Variants in CENPP observed in about 807,000 individuals in gnomAD.
The protein encoded by CENPP is centromere protein P.
A neutral mutation model predicts 35.6 loss-of-function variants in CENPP; 24 were observed. The ratio of observed to expected loss-of-function variants is 0.67; its 90% CI spans 0.49 to 0.95. The LOEUF is 0.95. CENPP is among the 40% of genes least tolerant of loss of function. The pLI is 0.00. For synonymous variants in CENPP, 120 were observed against 125.5 expected, an observed-to-expected ratio of 0.96 and a Z score of 0.29; for missense variants, 332 against 345.3, an observed-to-expected ratio of 0.96 and a Z score of 0.31.
At chr9:92,463,251 C>G (rs959899956) in intron 5 of CENPP, among the ~76,000 whole-genome samples, 24 of 152,120 alleles carry the variant, frequency 1.6e-4, no homozygotes, top group African/African-American at 5.6e-4. Flanking sequence ...TGGTAAGGAC[C>G]CTCAGGATAC....
At chr9:92,349,410 T>A (rs914709761) in intron 4 of CENPP, among the ~76,000 whole-genome samples, 1 of 146,506 alleles carries the variant, frequency 6.8e-6, no homozygotes, top group South Asian at 2.1e-4. Flanking sequence ...TTTTTTTTTA[T>A]TTTTTTTTTT....
intron 1 of CENPP, among the ~76,000 whole-genome samples, chr9:92,328,470 C>T (rs1474039780): frequency 6.6e-6 from 1 of 152,144 alleles, no homozygotes; most frequent in African/African-American, 2.4e-5. Context: ...TGAGCTCCCC[C>T]TTTCTGTGCT....
chr9:92,473,963 A>G (rs1311398915), intron 5 of CENPP, among the ~76,000 whole-genome samples: 1 of 152,240 alleles, frequency 6.6e-6, no homozygotes, highest in Admixed American at 6.5e-5. Flanking sequence ...CAGTGGGGCC[A>G]GTCTCAGCTG....
chr9:92,502,772 C>A, intron 5 of CENPP: 1 of 788,006 alleles, frequency 1.3e-6, no homozygotes, highest in Non-Finnish European at 1.8e-6. Flanking sequence ...AGTCTTACTG[C>A]TCTTTCAAGT....
chr9:92,505,643 C>T, intron 5 of CENPP: 1 of 1,607,806 alleles, frequency 6.2e-7, no homozygotes, highest in Non-Finnish European at 8.5e-7. Context: ...ACATTGGCTT[C>T]ACTGAGATTG....
At position 92,555,214 on chromosome 9, in the gene CENPP, A is replaced by ATTTT. The variant is rs34701393; in HGVS notation, c.565-56072_565-56069dup. Among the ~76,000 whole-genome samples the ATTTT allele has an allele frequency of 1.2e-3, 73 of 63,458 alleles. 2 individuals are homozygous for ATTTT. Among genetic ancestry groups the ATTTT allele is most frequent in the East Asian group, 4.3e-3 (7 of 1,634 alleles). 41.6% of individuals were successfully genotyped at this position (63,458 alleles called of 152,430 possible). A position where few individuals can be genotyped will look rare whatever the true frequency, so the allele number is the denominator to read the frequency against. ...TCTGGTCTTGGACTTTTTTTTGGAA[A>ATTTT]TTTTTTTTTTTTTTTTTTTTTTTTT... is the stretch of plus-strand genomic sequence containing the variant. On this transcript the variant is annotated intron_variant, in intron 5 of 7. Transcript: ENST00000375587.
At chr9:92,386,004 T>A (rs142519348) in intron 5 of CENPP, among the ~76,000 whole-genome samples, 24 of 152,220 alleles carry the variant, frequency 1.6e-4, no homozygotes, top group African/African-American at 5.8e-4. Flanking sequence ...CTTGTTATGC[T>A]CTGGATGGAA....
intron 2 of CENPP, among the ~76,000 whole-genome samples, chr9:92,333,187 T>C (rs1427486100): frequency 6.6e-6 from 1 of 152,214 alleles, no homozygotes; most frequent in Non-Finnish European, 1.5e-5. Flanking sequence ...TCAAGAACTT[T>C]GGTTGGTCAA....
At chr9:92,370,485 G>T (rs72752420) in intron 4 of CENPP, among the ~76,000 whole-genome samples, 5,844 of 151,330 alleles carry the variant, frequency 0.039, 142 homozygotes, top group Middle Eastern at 0.065. Context: ...TTGTTTTTTT[G>T]TTGTTTTTTT....
chr9:92,558,974 TC>T (rs1849787164), intron 5 of CENPP, among the ~76,000 whole-genome samples: 1 of 151,850 alleles, frequency 6.6e-6, no homozygotes, highest in South Asian at 2.1e-4. Flanking sequence ...GAAGGGCAGT[TC>T]CCCCGCCACC....
intron 4 of CENPP, among the ~76,000 whole-genome samples, chr9:92,363,445 A>G (rs1564279402): frequency 6.6e-6 from 1 of 152,218 alleles, no homozygotes; most frequent in Admixed American, 6.5e-5. Context: ...ATTGTTTTAC[A>G]ATTGCCTACA....
chr9:92,516,394 A>T (rs1200579629), intron 5 of CENPP, among the ~76,000 whole-genome samples: 1 of 152,176 alleles, frequency 6.6e-6, no homozygotes, highest in Non-Finnish European at 1.5e-5. Flanking sequence ...ATCAAGATTT[A>T]AAAATTTACT....
intron 5 of CENPP, chr9:92,459,580 A>T: frequency 6.3e-7 from 1 of 1,579,596 alleles, no homozygotes; most frequent in Non-Finnish European, 8.6e-7. Context: ...AGTGTGTTAT[A>T]AAAACTGAAG....
chr9:92,583,020 C>G (rs554343373), intron 5 of CENPP, among the ~76,000 whole-genome samples: 2 of 152,324 alleles, frequency 1.3e-5, no homozygotes, highest in East Asian at 3.9e-4. Flanking sequence ...CTGTGTTTGA[C>G]AGGCACATGG....
At chr9:92,346,957 A>T (rs574096813) in intron 4 of CENPP, among the ~76,000 whole-genome samples, 2 of 148,954 alleles carry the variant, frequency 1.3e-5, no homozygotes, top group South Asian at 4.4e-4. Context: ...ATGGGACTTG[A>T]GTGCCTTTGA....
chr9:92,547,142 A>T (rs1204505910), intron 5 of CENPP, among the ~76,000 whole-genome samples: 1 of 152,252 alleles, frequency 6.6e-6, no homozygotes, highest in Non-Finnish European at 1.5e-5. Flanking sequence ...CTTTGTGATC[A>T]TCTTAATAGA....
chr9:92,509,488 A>T (rs1847207528), intron 5 of CENPP, among the ~76,000 whole-genome samples: 1 of 152,226 alleles, frequency 6.6e-6, no homozygotes, highest in African/African-American at 2.4e-5. Flanking sequence ...GTTGACCATC[A>T]GAGTGATAAA....
At chr9:92,397,709 C>T (rs771916516) in intron 5 of CENPP, among the ~76,000 whole-genome samples, 41 of 152,164 alleles carry the variant, frequency 2.7e-4, no homozygotes, top group Non-Finnish European at 4.9e-4. Flanking sequence ...ATTGAGATCA[C>T]GTTGCTTCTA....
chr9:92,479,489 T>A (rs1845835462), intron 5 of CENPP, among the ~76,000 whole-genome samples: 1 of 152,108 alleles, frequency 6.6e-6, no homozygotes, highest in South Asian at 2.1e-4. Flanking sequence ...ATGAAGACCT[T>A]TGAAACAGGA....
Sources: gnomAD v4.1 joint callset for allele counts (sites outside exome capture counted in the v4.1 genomes callset) on GRCh38, gnomAD v4.1.1 for gene constraint, MANE v1.5 for transcripts, NCBI Gene and HGNC (gene_info 2026-07-23, HGNC 2026-07-21) for gene names.